The following CLYBL variants were observed in gnomAD, a reference collection of about 807,000 sequenced individuals.
CLYBL encodes the protein citramalyl-CoA lyase, mitochondrial.
CLYBL carries 31 observed loss-of-function variants against 38.9 expected under a neutral mutation model. The ratio of observed to expected loss-of-function variants is 0.80; its 90% CI spans 0.60 to 1.08. The LOEUF is 1.08. Among genes scored for constraint, CLYBL ranks in the 50% least tolerant of loss-of-function variants. CLYBL has a pLI of 0.00. For synonymous variants in CLYBL, 171 were observed against 158.6 expected (o/e 1.08, Z -0.59); for missense variants, 434 against 411.6 (o/e 1.05, Z -0.47).
chr13:99,899,157 A>C (rs2052614905), downstream of CLYBL, among the ~76,000 whole-genome samples: 2 of 152,192 alleles, frequency 1.3e-5, no homozygotes, highest in African/African-American at 4.8e-5. Context: ...AGTCAGAGAG[A>C]TGCGCCACTT....
chr13:99,620,239 A>C (rs911731188), intron 1 of CLYBL, among the ~76,000 whole-genome samples: 1 of 152,240 alleles, frequency 6.6e-6, no homozygotes, highest in African/African-American at 2.4e-5. Context: ...ATTTTGACTC[A>C]GAAGTGGATA....
chr13:99,675,381 C>T (rs564832699), intron 1 of CLYBL, among the ~76,000 whole-genome samples: 3 of 152,182 alleles, frequency 2.0e-5, no homozygotes, highest in South Asian at 2.1e-4. Context: ...TCATACAGTT[C>T]ACCTATTTAA....
At chr13:99,824,975 C>T (rs533789031) in intron 2 of CLYBL, among the ~76,000 whole-genome samples, 203 of 152,290 alleles carry the variant, frequency 1.3e-3, no homozygotes, top group African/African-American at 4.7e-3. Flanking sequence ...GCAGAGGCCT[C>T]CCACTGATTT....
chr13:99,837,458 A>C (rs920582961), intron 2 of CLYBL, among the ~76,000 whole-genome samples: 1 of 152,198 alleles, frequency 6.6e-6, no homozygotes, highest in Non-Finnish European at 1.5e-5. Flanking sequence ...TCTCGAAAAT[A>C]AAATAAAATG....
At chr13:99,829,318 G>A (rs1414459789) in intron 2 of CLYBL, among the ~76,000 whole-genome samples, 1 of 152,198 alleles carries the variant, frequency 6.6e-6, no homozygotes, top group Non-Finnish European at 1.5e-5. Context: ...TGCCAAGGCG[G>A]TTCTGATGCA....
At position 99,780,356 on chromosome 13, in the gene CLYBL, A is replaced by T. The variant is rs546788203; in HGVS notation, c.249+7346A>T. 5.4e-4 allele frequency among the ~76,000 whole-genome samples: 82 copies of T among 152,280 alleles called. 1 individual carries two copies. In the East Asian group the frequency reaches 0.013, roughly 24 times the overall value. On this transcript the variant is annotated intron_variant, in intron 2 of 8. Transcript: ENST00000339105. Reference sequence around the variant, plus strand: ...TATTTTAATTACGTCTCCTATTTTTAAAAAATTTCTATATCCATGTTGACA... The same window carrying T: ...TATTTTAATTACGTCTCCTATTTTTTAAAAATTTCTATATCCATGTTGACA...
intron 7 of CLYBL, among the ~76,000 whole-genome samples, chr13:99,881,057 G>A (rs557282821): frequency 2.6e-5 from 4 of 152,086 alleles, no homozygotes; most frequent in East Asian, 1.9e-4. Flanking sequence ...CAACATGAAT[G>A]CCACCCCATC....
At chr13:99,877,304 C>T (rs1475401366) in intron 7 of CLYBL, among the ~76,000 whole-genome samples, 1 of 152,182 alleles carries the variant, frequency 6.6e-6, no homozygotes, top group Non-Finnish European at 1.5e-5. Context: ...GTTCCTTGGA[C>T]ACCTTTCCCT....
chr13:99,673,264 T>G (rs1321192086), intron 1 of CLYBL, among the ~76,000 whole-genome samples: 1 of 151,860 alleles, frequency 6.6e-6, no homozygotes, highest in Non-Finnish European at 1.5e-5. Context: ...AATACAAAAA[T>G]TAGCCGGGCA....
At chr13:99,765,073 G>GT (rs1325120501) in intron 1 of CLYBL, among the ~76,000 whole-genome samples, 2 of 149,472 alleles carry the variant, frequency 1.3e-5, no homozygotes, top group Non-Finnish European at 3.0e-5. Context: ...GCACTTTAGT[G>GT]TTTTTTTCTT....
chr13:99,653,270 A>G (rs575243642), intron 1 of CLYBL, among the ~76,000 whole-genome samples: 47 of 152,254 alleles, frequency 3.1e-4, no homozygotes, highest in African/African-American at 1.1e-3. Flanking sequence ...GAATGGGAGT[A>G]TCATGATGGA....
intron 1 of CLYBL, among the ~76,000 whole-genome samples, chr13:99,730,088 C>T (rs1218993729): frequency 4.6e-5 from 7 of 152,178 alleles, no homozygotes; most frequent in East Asian, 1.9e-4. Flanking sequence ...GCCAGTGCTG[C>T]GACCCAGTTG....
At chr13:99,780,241 T>A (rs964197433) in intron 2 of CLYBL, among the ~76,000 whole-genome samples, 1 of 152,204 alleles carries the variant, frequency 6.6e-6, no homozygotes, top group African/African-American at 2.4e-5. Flanking sequence ...TGTGGTCTGA[T>A]CGTAATACAG....
chr13:99,798,362 T>A (rs2138926151), intron 2 of CLYBL, among the ~76,000 whole-genome samples: 1 of 152,318 alleles, frequency 6.6e-6, no homozygotes, highest in East Asian at 1.9e-4. Flanking sequence ...CCCTCCATCA[T>A]CTTCACTCAC....
At chr13:99,881,701 C>G (rs142043393) in intron 7 of CLYBL, among the ~76,000 whole-genome samples, 3 of 151,780 alleles carry the variant, frequency 2.0e-5, no homozygotes, top group Non-Finnish European at 4.4e-5. Context: ...TGATTACAAG[C>G]GTTGAGCCAC....
intron 2 of CLYBL, among the ~76,000 whole-genome samples, chr13:99,781,588 G>A (rs1197486647): frequency 2.0e-5 from 3 of 152,146 alleles, no homozygotes; most frequent in African/African-American, 7.2e-5. Context: ...CAGTTCTCTT[G>A]CCTCAGCCTC....
chr13:99,871,032 T>C lies in CLYBL; in HGVS notation c.897T>C (p.Ala299=). ...TTAAGTGGGCTGAAGAACTGATTGC[T>C]GCCTTTAAAGAACATCAACAATTAG... ...EKIKWAEELI[A]AFKEHQQLGK... Residue 299 remains alanine, a synonymous_variant, in exon 7 of 9, where the codon GCT becomes GCC. Coordinates refer to ENST00000339105, the MANE Select transcript of CLYBL (RefSeq NM_206808.5). 6.2e-7 allele frequency: 1 copy of C among 1,614,064 alleles called. No homozygotes were observed. Among genetic ancestry groups the C allele is most frequent in the Non-Finnish European group, 8.5e-7 (1 of 1,179,928 alleles).
At chr13:99,874,357 A>C (rs2051984700) in intron 7 of CLYBL, among the ~76,000 whole-genome samples, 1 of 152,200 alleles carries the variant, frequency 6.6e-6, no homozygotes, top group Non-Finnish European at 1.5e-5. Context: ...TATTTGGTAA[A>C]ATGCTTTAGG....
chr13:99,745,988 C>T (rs9517869), intron 1 of CLYBL, among the ~76,000 whole-genome samples: 46,479 of 150,074 alleles, frequency 0.31, 8,023 homozygotes, highest in Admixed American at 0.44. Context: ...AGGATGAAAA[C>T]GGAGATTTCA....
Sources: gnomAD v4.1 joint callset for allele counts (sites outside exome capture counted in the v4.1 genomes callset) on GRCh38, gnomAD v4.1.1 for gene constraint, MANE v1.5 for transcripts, NCBI Gene and HGNC (gene_info 2026-07-23, HGNC 2026-07-21) for gene names.